ATG7: variants seen among roughly 807,000 people sequenced by gnomAD.
ATG7 encodes the protein autophagy related 7, also known as ubiquitin-like modifier-activating enzyme ATG7.
A neutral mutation model predicts 82.4 loss-of-function variants in ATG7; 70 were observed. That is an observed-to-expected ratio of 0.85 (90% CI 0.70 to 1.04). ATG7 has a LOEUF of 1.04. Among genes scored for constraint, ATG7 ranks in the 50% least tolerant of loss-of-function variants. The probability of loss-of-function intolerance (pLI) is 0.00; values close to 1 mark genes in which losing one functional copy is unlikely to be tolerated. For missense variants in ATG7, 792 were observed against 864.3 expected (o/e 0.92, Z 1.05); for synonymous variants, 287 against 313.0 (o/e 0.92, Z 0.88).
At chr3:11,516,692 A>C (rs2092292336) in intron 20 of ATG7, among the ~76,000 whole-genome samples, 1 of 152,240 alleles carries the variant, frequency 6.6e-6, no homozygotes, top group Admixed American at 6.5e-5. Flanking sequence ...AGGTGAATGG[A>C]GAAATAAACT....
chr3:11,300,466 C>T (rs1368023989), intron 5 of ATG7, among the ~76,000 whole-genome samples: 2 of 152,120 alleles, frequency 1.3e-5, no homozygotes, highest in African/African-American at 4.8e-5. Context: ...ATTTTGCTAT[C>T]TTCTACAGAA....
downstream of ATG7, among the ~76,000 whole-genome samples, chr3:11,561,633 G>A: frequency 6.6e-6 from 1 of 152,148 alleles, no homozygotes; most frequent in East Asian, 1.9e-4. Flanking sequence ...CAGGCCTCCA[G>A]ATGGTGAGCG....
At chr3:11,565,475 A>G in the ATG7 span, among the ~76,000 whole-genome samples, 1 of 152,140 alleles carries the variant, frequency 6.6e-6, no homozygotes, top group East Asian at 1.9e-4. This position sits in a 1 kb window ranked among gnomAD's most constrained non-coding sequence, Gnocchi z 4.1. Flanking sequence ...TCTTCCTCAC[A>G]GTACTGCTCA....
intron 20 of ATG7, among the ~76,000 whole-genome samples, chr3:11,434,503 C>G (rs762595707): frequency 3.5e-4 from 53 of 152,208 alleles, no homozygotes; most frequent in Non-Finnish European, 6.6e-4. Context: ...CCTTGGCCCT[C>G]TCTCCTGAGT....
intron 20 of ATG7, among the ~76,000 whole-genome samples, chr3:11,522,050 G>A (rs1052081644): frequency 6.6e-6 from 1 of 152,206 alleles, no homozygotes; most frequent in Non-Finnish European, 1.5e-5. Context: ...GGGCCATAGA[G>A]TATTAAGGGA....
chr3:11,491,424 C>T (rs1444387709), intron 20 of ATG7, among the ~76,000 whole-genome samples: 2 of 152,196 alleles, frequency 1.3e-5, no homozygotes, highest in Admixed American at 6.5e-5. Flanking sequence ...TGAATTTCCT[C>T]CTGTAGCTCA....
intron 17 of ATG7, among the ~76,000 whole-genome samples, chr3:11,363,596 A>G (rs2076411535): frequency 6.6e-6 from 1 of 152,188 alleles, no homozygotes; most frequent in South Asian, 2.1e-4. Context: ...AACTATTATT[A>G]TTAGTCGCAG....
At chr3:11,461,416 CG>C (rs1022177804) in intron 20 of ATG7, among the ~76,000 whole-genome samples, 1 of 152,178 alleles carries the variant, frequency 6.6e-6, no homozygotes, top group Non-Finnish European at 1.5e-5. Context: ...AGAATTTCCA[CG>C]GCGTCTTTTC....
chr3:11,497,900 A>G (rs1231864909), intron 20 of ATG7, among the ~76,000 whole-genome samples: 1 of 152,200 alleles, frequency 6.6e-6, no homozygotes, highest in Non-Finnish European at 1.5e-5. Flanking sequence ...GAAATGAAAT[A>G]TTAAAGCCAC....
In ATG7 at chr3:11,425,049, A is replaced by G. The variant is rs185068718; in HGVS notation, c.1957-1755A>G. On this transcript the variant is annotated intron_variant, in intron 19 of 20. Transcript: ENST00000693202. ...GTGATCATAACTAGTTGCAGCCTCAACCTCCTGAGTTCAGGTGATCCTCCC... is the reference window on the plus strand; with the variant it reads ...GTGATCATAACTAGTTGCAGCCTCAGCCTCCTGAGTTCAGGTGATCCTCCC... Among the ~76,000 whole-genome samples, 28 of 152,112 alleles carry G rather than the reference A, an allele frequency of 1.8e-4. No homozygotes were observed. In the East Asian group the frequency reaches 4.6e-3, roughly 25 times the overall value.
intron 20 of ATG7, among the ~76,000 whole-genome samples, chr3:11,517,651 C>T (rs1286826751): frequency 1.3e-5 from 2 of 152,072 alleles, no homozygotes; most frequent in East Asian, 3.9e-4. Flanking sequence ...GGAAGATGCA[C>T]GTCTAAGGTG....
intron 20 of ATG7, among the ~76,000 whole-genome samples, chr3:11,427,148 C>G (rs1302619704): frequency 6.6e-6 from 1 of 152,128 alleles, no homozygotes; most frequent in Non-Finnish European, 1.5e-5. Context: ...TACACAAAAT[C>G]AGTGTGATAA....
the ATG7 span, among the ~76,000 whole-genome samples, chr3:11,566,803 C>T: frequency 1.3e-5 from 2 of 152,208 alleles, no homozygotes; most frequent in Non-Finnish European, 2.9e-5. Flanking sequence ...CGCACCCGCC[C>T]CTCCTCACAC....
intron 20 of ATG7, among the ~76,000 whole-genome samples, chr3:11,524,984 T>C (rs776228019): frequency 1.9e-4 from 29 of 152,288 alleles, no homozygotes; most frequent in South Asian, 6.2e-4. Flanking sequence ...CTTCAGAATT[T>C]GCTATGAAAT....
At chr3:11,442,812 T>C (rs2084129115) in intron 20 of ATG7, among the ~76,000 whole-genome samples, 1 of 147,676 alleles carries the variant, frequency 6.8e-6, no homozygotes, top group South Asian at 2.1e-4. Flanking sequence ...TCCCAGCTAC[T>C]TGGGAGGCTG....
intron 13 of ATG7, among the ~76,000 whole-genome samples, chr3:11,345,311 A>G (rs1284769378): frequency 6.6e-6 from 1 of 152,188 alleles, no homozygotes; most frequent in Non-Finnish European, 1.5e-5. Flanking sequence ...CGGGAGGCTG[A>G]GGCAGGAGAA....
At chr3:11,559,553 C>A, downstream of ATG7, 1 of 1,404,762 alleles carries the variant, frequency 7.1e-7, no homozygotes, top group Non-Finnish European at 9.3e-7. Flanking sequence ...TGTCCTGGTG[C>A]CCTTCCTGAC....
At chr3:11,291,959 CA>C (rs1945044835) in intron 3 of ATG7, among the ~76,000 whole-genome samples, 1 of 152,178 alleles carries the variant, frequency 6.6e-6, no homozygotes, top group Non-Finnish European at 1.5e-5. Context: ...TTTGTTTAAA[CA>C]AGGGAGCCAC....
At chr3:11,375,280 T>TG (rs2077330887) in intron 18 of ATG7, among the ~76,000 whole-genome samples, 23 of 152,178 alleles carry the variant, frequency 1.5e-4, no homozygotes, top group Admixed American at 1.5e-3. Context: ...TAAGAAACCT[T>TG]TATCCAGAAT....
Sources: allele counts gnomAD v4.1 joint callset (sites outside exome capture counted in the v4.1 genomes callset), GRCh38; gene constraint gnomAD v4.1.1; non-coding constraint Gnocchi (gnomAD v3.1); transcripts MANE v1.5; gene names NCBI Gene and HGNC (gene_info 2026-07-23, HGNC 2026-07-21).